Variants in PLEKHG7 observed in about 807,000 individuals in gnomAD.
PLEKHG7 encodes pleckstrin homology and RhoGEF domain containing G7, also known as pleckstrin homology domain-containing family G member 7.
PLEKHG7 carries 77 observed loss-of-function variants against 85.2 expected under a neutral mutation model. That is an observed-to-expected ratio of 0.90 (90% CI 0.75 to 1.09). The LOEUF (loss-of-function observed/expected upper bound fraction) is 1.09, where lower values mean the gene tolerates loss of function less well. Among genes scored for constraint, PLEKHG7 ranks in the 50% least tolerant of loss-of-function variants. The pLI is 0.00. For synonymous variants in PLEKHG7, 301 were observed against 302.4 expected (o/e 1.00, Z 0.05); for missense variants, 777 against 804.3 (o/e 0.97, Z 0.41).
intron 3 of PLEKHG7, among the ~76,000 whole-genome samples, 198 bp from the exon 4 acceptor site, chr12:92,728,795 A>G (rs939558601): frequency 2.0e-5 from 3 of 152,086 alleles, no homozygotes; most frequent in Non-Finnish European, 2.9e-5. Flanking sequence ...TGGTAGTTCT[A>G]TTTTTAGTTC....
intron 5 of PLEKHG7, among the ~76,000 whole-genome samples, chr12:92,736,134 T>C (rs939434887): frequency 1.3e-5 from 2 of 152,156 alleles, no homozygotes; most frequent in African/African-American, 4.8e-5. Context: ...GTCCAGAGTT[T>C]GGAAAAGTTA....
At chr12:92,733,994 G>A (rs1213166851) in intron 5 of PLEKHG7, among the ~76,000 whole-genome samples, 5 of 152,184 alleles carry the variant, frequency 3.3e-5, no homozygotes, top group Non-Finnish European at 5.9e-5. Context: ...GTTGGAGGGA[G>A]GGAAGCAATG....
At chr12:92,762,713 T>A (rs1465203060) in intron 14 of PLEKHG7, among the ~76,000 whole-genome samples, 1 of 152,230 alleles carries the variant, frequency 6.6e-6, no homozygotes, top group Non-Finnish European at 1.5e-5. Context: ...CAGAGATACC[T>A]AATGTTGCTT....
At chr12:92,756,227 C>A in intron 12 of PLEKHG7, 71 bp from the exon 13 acceptor site, 1 of 1,177,434 alleles carries the variant, frequency 8.5e-7, no homozygotes, top group Non-Finnish European at 1.2e-6. Context: ...AGTTAATTGC[C>A]CCAGCTTTTT....
intron 3 of PLEKHG7, chr12:92,707,969 T>C: frequency 2.2e-6 from 1 of 449,078 alleles, no homozygotes; most frequent in Non-Finnish European, 4.0e-6. Context: ...TAATAGGTTT[T>C]GTCTGGTAGA....
At chr12:92,742,152 T>A (rs1326605662) in intron 9 of PLEKHG7, among the ~76,000 whole-genome samples, 1 of 152,214 alleles carries the variant, frequency 6.6e-6, no homozygotes, top group Non-Finnish European at 1.5e-5. Context: ...AAGATTTGAA[T>A]TTTTACACTC....
chr12:92,720,655 C>A (rs542168868), intron 3 of PLEKHG7, among the ~76,000 whole-genome samples: 1 of 152,088 alleles, frequency 6.6e-6, no homozygotes, highest in Non-Finnish European at 1.5e-5. Flanking sequence ...GGACATTTGT[C>A]GTTGGATTTA....
At chr12:92,727,691 C>G (rs919926185) in intron 3 of PLEKHG7, among the ~76,000 whole-genome samples, 1 of 151,820 alleles carries the variant, frequency 6.6e-6, no homozygotes, top group African/African-American at 2.4e-5. Context: ...CAGGTTCAAG[C>G]GATTCTCCTG....
chr12:92,761,683 A>AAAG (rs1873037603), intron 13 of PLEKHG7, 69 bp from the exon 14 acceptor site: 1 of 1,392,824 alleles, frequency 7.2e-7, no homozygotes. Context: ...AGAAAGAAAG[A>AAAG]AAGGGAAAGA....
chr12:92,720,776 G>C (rs777657606), intron 3 of PLEKHG7, among the ~76,000 whole-genome samples: 1 of 152,152 alleles, frequency 6.6e-6, no homozygotes, highest in African/African-American at 2.4e-5. Context: ...CAGGGGTTAG[G>C]ATGTGGACAT....
At chr12:92,708,152 T>G (rs1377711255) in intron 3 of PLEKHG7, 2 of 154,390 alleles carry the variant, frequency 1.3e-5, no homozygotes, top group African/African-American at 2.4e-5. Context: ...AAACCAGCTC[T>G]GAACTTTCAG....
chr12:92,722,963 G>A (rs889274719), intron 3 of PLEKHG7, among the ~76,000 whole-genome samples: 1 of 152,170 alleles, frequency 6.6e-6, no homozygotes, highest in African/African-American at 2.4e-5. Context: ...GAAGGGAAGG[G>A]AAGAGAGAGA....
intron 5 of PLEKHG7, among the ~76,000 whole-genome samples, chr12:92,733,239 G>C (rs939023888): frequency 6.6e-6 from 1 of 152,180 alleles, no homozygotes; most frequent in Non-Finnish European, 1.5e-5. Flanking sequence ...CAGAAGACCA[G>C]TGCCAGCCTC....
chr12:92,718,713 T>G (rs1592674427), intron 3 of PLEKHG7, among the ~76,000 whole-genome samples: 1 of 152,334 alleles, frequency 6.6e-6, no homozygotes, highest in East Asian at 1.9e-4. Flanking sequence ...ACTTTGGGTT[T>G]GTGGGGATTT....
In PLEKHG7 at chr12:92,706,666, C is replaced by T. The variant is rs758712087; in HGVS notation, c.35C>T (p.Pro12Leu). The change falls in exon 2 of 17, where the codon CCA (proline) becomes CTA (leucine). Residue 12 changes from proline to leucine, a missense_variant. This residue lies in a region of PLEKHG7 where 252 missense variants were observed against 241.9 expected (regional missense o/e 1.04). Transcript: ENST00000344636. ...ACAGAGTCATTCTGTCCAGAGGTGC[C>T]ACCCCAAGACTGTGGAGCCTCTCCT... ...EKTESFCPEVPPQDCGASPRP... is the reference protein window; with the variant it reads ...EKTESFCPEVLPQDCGASPRP... The T allele has an allele frequency of 6.2e-7, 1 of 1,613,494 alleles. No individual in the cohort carries two copies.
intron 10 of PLEKHG7, among the ~76,000 whole-genome samples, chr12:92,750,857 A>G (rs187206505): frequency 2.4e-3 from 365 of 152,284 alleles, no homozygotes; most frequent in Non-Finnish European, 4.0e-3. Context: ...AGAGCCATCT[A>G]GCCACACTGG....
intron 9 of PLEKHG7, among the ~76,000 whole-genome samples, chr12:92,742,787 T>C (rs1872406325): frequency 6.6e-6 from 1 of 151,980 alleles, no homozygotes; most frequent in Non-Finnish European, 1.5e-5. Context: ...GGTTTCACCA[T>C]GTTGGTCAGG....
At chr12:92,751,532 AT>A (rs34430958) in intron 10 of PLEKHG7, among the ~76,000 whole-genome samples, 72 of 147,864 alleles carry the variant, frequency 4.9e-4, no homozygotes, top group Non-Finnish European at 5.2e-4. Context: ...TGCCTGGCTA[AT>A]TTTTTTTTTT....
At chr12:92,745,385 A>G in intron 9 of PLEKHG7, 93 bp from the exon 10 acceptor site, 1 of 821,610 alleles carries the variant, frequency 1.2e-6, no homozygotes, top group Non-Finnish European at 2.0e-6. Context: ...TCCCTGTTCT[A>G]GTTAATGATA....
Sources: gnomAD v4.1 joint callset for allele counts (sites outside exome capture counted in the v4.1 genomes callset) on GRCh38, gnomAD v4.1.1 for gene constraint, gnomAD v4.1.1 regional missense constraint, MANE v1.5 for transcripts, NCBI Gene and HGNC (gene_info 2026-07-23, HGNC 2026-07-21) for gene names.